ZBTB5: variants seen among roughly 807,000 people sequenced by gnomAD.
ZBTB5 encodes the protein zinc finger and BTB domain-containing protein 5.
A neutral mutation model predicts 37.9 loss-of-function variants in ZBTB5; 15 were observed. The ratio of observed to expected loss-of-function variants is 0.40; its 90% CI spans 0.26 to 0.61. The LOEUF (loss-of-function observed/expected upper bound fraction) is 0.61. ZBTB5 is among the 20% of genes least tolerant of loss of function. The probability of loss-of-function intolerance (pLI) is 0.47; values close to 1 mark genes in which losing one functional copy is unlikely to be tolerated. For synonymous variants in ZBTB5, 315 were observed against 312.4 expected, an observed-to-expected ratio of 1.01 and a Z score of -0.09; for missense variants, 708 against 856.8, an observed-to-expected ratio of 0.83 and a Z score of 2.17.
Position 37,440,803 on chromosome 9 carries a change from C to A in ZBTB5, c.1749G>T (p.Gln583His), listed in dbSNP as rs1375152626. 32 of 1,614,182 alleles carry A rather than the reference C, an allele frequency of 2.0e-5. No homozygotes were observed. The highest frequency in any genetic ancestry group is 2.7e-5 in the Non-Finnish European group (32 of 1,180,022). Residue 583 changes from glutamine (Q) to histidine (H), a missense_variant, in exon 2 of 2, where the codon CAG becomes CAT. Gln to His is a conservative substitution (Grantham distance 24). Coordinates refer to ENST00000307750, the MANE Select transcript of ZBTB5 (RefSeq NM_014872.3). ...NGHPSQPGPP[Q>H]LTRASADVLS... is the part of the protein sequence containing the mutation. ...GAACATCTGCAGATGCCCTGGTCAA[C>A]TGTGGAGGGCCAGGCTGGGAAGGAT...
At chr9:37,462,794 G>A (rs567545222) in intron 1 of ZBTB5, among the ~76,000 whole-genome samples, 83 of 152,144 alleles carry the variant, frequency 5.5e-4, no homozygotes, top group Non-Finnish European at 1.5e-4. Context: ...GAACTCCTGA[G>A]CTCAGGCAAT....
Position 37,440,288 on chromosome 9 carries a change from A to G in ZBTB5, c.*230T>C. The G allele has an allele frequency of 3.8e-6, 2 of 522,616 alleles. No homozygotes were observed. Among genetic ancestry groups the G allele is most frequent in the African/African-American group, 3.8e-5 (2 of 52,774 alleles). The allele number at this position is 522,616 out of a possible 1,614,324, so 32.4% of individuals were successfully genotyped here. On this transcript the variant is annotated 3_prime_UTR_variant, in exon 2 of 2. Coordinates refer to ENST00000307750, the MANE Select transcript of ZBTB5 (RefSeq NM_014872.3). ...AAACTACTTTCTGACTGCATTACTC[A>G]ACCCCAAGGAAGCACCTGGTTTCAG...
Position 37,440,377 on chromosome 9 carries a change from G to T in ZBTB5, c.*141C>A. Reference sequence around the variant, plus strand: ...AAATGCAGCAGCACAAATACTACATGTTAGTTCTCCGGTTATTAGTTGCTA... The same window carrying T: ...AAATGCAGCAGCACAAATACTACATTTTAGTTCTCCGGTTATTAGTTGCTA... On this transcript the variant is annotated 3_prime_UTR_variant, in exon 2 of 2. Transcript: ENST00000307750. 1.5e-6 allele frequency: 1 copy of T among 666,102 alleles called. No homozygotes were observed. The allele number at this position is 666,102 out of a possible 1,614,324, so 41.3% of individuals were successfully genotyped here.
chr9:37,441,635 T>C lies in ZBTB5; in HGVS notation c.917A>G (p.Glu306Gly), dbSNP rs774721863. The change falls in exon 2 of 2, where the codon GAG (glutamate) becomes GGG (glycine). Residue 306 changes from glutamate (E) to glycine (G), a missense_variant. This residue lies in a region of ZBTB5 where 639 missense variants were observed against 690.5 expected (regional missense o/e 0.93). Transcript: ENST00000307750. Reference sequence around the variant, plus strand: ...GTTTTCACACTGAAAACTACTTTTCTCAGGTGCAGCTTCCTGATCAAAACT... The same window carrying C: ...GTTTTCACACTGAAAACTACTTTTCCCAGGTGCAGCTTCCTGATCAAAACT... ...ETSFDQEAAPEKSSFQCENPE... is the reference protein window; with the variant it reads ...ETSFDQEAAPGKSSFQCENPE... The C allele has an allele frequency of 3.1e-6, 5 of 1,613,590 alleles. No homozygotes were observed. Among genetic ancestry groups the C allele is most frequent in the Non-Finnish European group, 3.4e-6 (4 of 1,179,950 alleles).
chr9:37,442,330 T>C lies in ZBTB5; in HGVS notation c.222A>G (p.Ala74=). The C allele has an allele frequency of 6.2e-7, 1 of 1,614,232 alleles. No individual in the cohort carries two copies. The highest frequency in any genetic ancestry group is 2.2e-5 in the East Asian group (1 of 44,886). Residue 74 remains alanine (A), a synonymous_variant, in exon 2 of 2, where the codon GCA becomes GCG. Transcript: ENST00000307750. ...TGTCAATCAGTGCAGCAAAGGCCTC[T>C]GCTGTCACCACCTCGCTATCCAGCT... The part of the protein sequence containing the change: ...MIQLDSEVVT[A]EAFAALIDMM...
chr9:37,458,731 A>C (rs1824235516), intron 1 of ZBTB5, among the ~76,000 whole-genome samples: 1 of 152,242 alleles, frequency 6.6e-6, no homozygotes, highest in Non-Finnish European at 1.5e-5. Flanking sequence ...TAAATGAGTC[A>C]ACGTTTGGAA....
chr9:37,462,562 G>GTTTT (rs372165548), intron 1 of ZBTB5, among the ~76,000 whole-genome samples: 3 of 132,458 alleles, frequency 2.3e-5, no homozygotes, highest in African/African-American at 5.6e-5. Context: ...TGCTTTAACC[G>GTTTT]TTTTTTTTTT....
chr9:37,444,830 C>A (rs1474103372), intron 1 of ZBTB5, among the ~76,000 whole-genome samples: 1 of 152,098 alleles, frequency 6.6e-6, no homozygotes, highest in African/African-American at 2.4e-5. Context: ...AGGAGACCCA[C>A]CAGAGAAGAC....
In ZBTB5 at chr9:37,442,090, C is replaced by A. The variant is rs1230162840; in HGVS notation, c.462G>T (p.Val154=). ...TCTGGCTGGAATTGAGGGCTGAGCTCACGATGCTTAGTCCCAGCTGCTGTA... is the reference window on the plus strand; with the variant it reads ...TCTGGCTGGAATTGAGGGCTGAGCTAACGATGCTTAGTCCCAGCTGCTGTA... The part of the protein sequence containing the change: ...FMLQQLGLSI[V]SSALNSSQNG... The change falls in exon 2 of 2, where the codon GTG becomes GTT. Residue 154 remains valine (V), a synonymous_variant. Coordinates refer to ENST00000307750, the MANE Select transcript of ZBTB5 (RefSeq NM_014872.3). The A allele has an allele frequency of 6.2e-7, 1 of 1,614,034 alleles. No homozygotes were observed. The highest frequency in any genetic ancestry group is 8.5e-7 in the Non-Finnish European group (1 of 1,180,042).
chr9:37,464,672 T>A (rs1824356631), intron 1 of ZBTB5, among the ~76,000 whole-genome samples: 1 of 152,252 alleles, frequency 6.6e-6, no homozygotes, highest in Admixed American at 6.5e-5. Context: ...CTGGGAGTAG[T>A]GGGCATTCAA....
intron 1 of ZBTB5, among the ~76,000 whole-genome samples, chr9:37,452,186 G>C (rs999878595): frequency 4.6e-5 from 7 of 152,216 alleles, no homozygotes; most frequent in Non-Finnish European, 1.0e-4. Flanking sequence ...GATGGGGTCG[G>C]TTAGGTCTGA....
At chr9:37,451,230 C>T (rs959556807) in intron 1 of ZBTB5, among the ~76,000 whole-genome samples, 5 of 151,030 alleles carry the variant, frequency 3.3e-5, no homozygotes, top group Non-Finnish European at 3.0e-5. Context: ...GAAGGTAAGG[C>T]CTGGTGTTTG....
chr9:37,462,859 C>CGGCCTT (rs1485906482), intron 1 of ZBTB5, among the ~76,000 whole-genome samples: 1 of 152,092 alleles, frequency 6.6e-6, no homozygotes, highest in African/African-American at 2.4e-5. Flanking sequence ...CCACCACACC[C>CGGCCTT]GGCCTTCCCT....
intron 1 of ZBTB5, among the ~76,000 whole-genome samples, chr9:37,449,943 G>A (rs1373143659): frequency 2.0e-5 from 3 of 152,036 alleles, no homozygotes; most frequent in African/African-American, 4.8e-5. Flanking sequence ...AATGTGTACG[G>A]TAAGCAGCAG....
At chr9:37,456,542 G>A (rs1824191127) in intron 1 of ZBTB5, among the ~76,000 whole-genome samples, 1 of 152,306 alleles carries the variant, frequency 6.6e-6, no homozygotes, top group South Asian at 2.1e-4. Flanking sequence ...AAGGCGAGCT[G>A]GAAGCCCTGA....
rs1823766389 is a variant in ZBTB5 at position 37,438,379 on chromosome 9, A to G, written c.*2139T>C. 6.6e-6 allele frequency: 1 copy of G among 152,642 alleles called. No individual in the cohort carries two copies. 9.5% of individuals were successfully genotyped at this position (152,642 alleles called of 1,614,324 possible). A position where few individuals can be genotyped will look rare whatever the true frequency, so the allele number is the denominator to read the frequency against. ...CCTGGAATTATTTTTTAAGTGCTAC[A>G]GCATGTACAAGGACACTGGCCCACA... On this transcript the variant is annotated 3_prime_UTR_variant, in exon 2 of 2. Transcript: ENST00000307750.
intron 1 of ZBTB5, among the ~76,000 whole-genome samples, chr9:37,464,056 C>T (rs555621963): frequency 1.3e-5 from 2 of 152,194 alleles, no homozygotes; most frequent in Non-Finnish European, 2.9e-5. Flanking sequence ...TCCTTGTCTT[C>T]TTCCCATCTG....
chr9:37,455,563 T>A (rs1301736825), intron 1 of ZBTB5, among the ~76,000 whole-genome samples: 1 of 152,198 alleles, frequency 6.6e-6, no homozygotes, highest in Non-Finnish European at 1.5e-5. Context: ...CACCCCTAGA[T>A]GCCACCGTGG....
chr9:37,440,630 TA>T lies in ZBTB5; in HGVS notation c.1921del (p.Tyr641ThrfsTer4). On this transcript the variant is annotated frameshift_variant, in exon 2 of 2. Transcript: ENST00000307750. LOFTEE classifies it high-confidence loss of function. Reference sequence around the variant, plus strand: ...CCTCTTGCCACACTTCAGGCAGGCGTAAGGCTTTTCACCTGTGTGAACACGG... The same window carrying T: ...CCTCTTGCCACACTTCAGGCAGGCGTAGGCTTTTCACCTGTGTGAACACGG... ...HIRVHTGEKPYACLKCGKRFS... is the reference protein window; with the variant it reads ...HIRVHTGEKPXACLKCGKRFS... The T allele has an allele frequency of 1.2e-6, 2 of 1,614,246 alleles. No individual in the cohort carries two copies. The highest frequency in any genetic ancestry group is 1.7e-6 in the Non-Finnish European group (2 of 1,180,046).
Sources: allele counts gnomAD v4.1 joint callset (sites outside exome capture counted in the v4.1 genomes callset), GRCh38; gene constraint gnomAD v4.1.1; regional missense constraint gnomAD v4.1.1; transcripts MANE v1.5; gene names NCBI Gene and HGNC (gene_info 2026-07-23, HGNC 2026-07-21).